The following NCAM1 variants were observed in gnomAD, a reference collection of about 807,000 sequenced individuals.
The protein encoded by NCAM1 is neural cell adhesion molecule 1.
A neutral mutation model predicts 109.8 loss-of-function variants in NCAM1; 14 were observed. The observed-to-expected ratio is 0.13, with a 90% CI of 0.08 to 0.20. The LOEUF is 0.20. Ranked by LOEUF, NCAM1 falls within the 10% of genes least tolerant of loss-of-function variation. NCAM1 has a pLI of 1.00. For synonymous variants in NCAM1, 418 were observed against 442.9 expected (o/e 0.94, Z 0.70); for missense variants, 774 against 1,109.9 (o/e 0.70, Z 4.30).
chr11:112,988,758 T>TTC, intron 1 of NCAM1, among the ~76,000 whole-genome samples: 1 of 151,206 alleles, frequency 6.6e-6, no homozygotes, highest in South Asian at 2.1e-4. Flanking sequence ...AGTATTTTTT[T>TTC]TTTTTTTTGA....
chr11:113,264,726 A>C, intron 17 of NCAM1: 1 of 985,332 alleles, frequency 1.0e-6, no homozygotes, highest in South Asian at 4.7e-5. Context: ...AAGTGTGGAG[A>C]GGACTGACGT....
chr11:113,084,617 TAG>T (rs1199580643), intron 1 of NCAM1, among the ~76,000 whole-genome samples: 4 of 152,176 alleles, frequency 2.6e-5, no homozygotes, highest in Admixed American at 2.6e-4. Context: ...AACACAGTAT[TAG>T]AGAGTCAGGT....
At chr11:113,264,582 C>A in intron 17 of NCAM1, 1 of 985,514 alleles carries the variant, frequency 1.0e-6, no homozygotes, top group Non-Finnish European at 1.2e-6. Flanking sequence ...CTTAGGATCA[C>A]CTTGGGCAGA....
At chr11:113,201,342 G>A (rs782679673) in intron 1 of NCAM1, among the ~76,000 whole-genome samples, 6 of 152,172 alleles carry the variant, frequency 3.9e-5, no homozygotes, top group Non-Finnish European at 8.8e-5. Flanking sequence ...GCTGTTGGAA[G>A]GAAGGGCTCA....
At chr11:113,075,315 C>T (rs113675135) in intron 1 of NCAM1, among the ~76,000 whole-genome samples, 1,674 of 152,204 alleles carry the variant, frequency 0.011, 14 homozygotes, top group Non-Finnish European at 0.016. Context: ...AGAGATCCTC[C>T]CACCTTGGCC....
At chr11:113,032,342 G>T (rs12416786) in intron 1 of NCAM1, among the ~76,000 whole-genome samples, 6,359 of 152,142 alleles carry the variant, frequency 0.042, 447 homozygotes, top group Admixed American at 0.14. Context: ...GATCTCAGGG[G>T]CTTACCACAG....
At chr11:113,042,207 C>T (rs1953103523) in intron 1 of NCAM1, among the ~76,000 whole-genome samples, 1 of 152,194 alleles carries the variant, frequency 6.6e-6, no homozygotes. Context: ...ATCCCCTCCC[C>T]TTGCTCCTTT....
rs868938180 is a variant in NCAM1, at chr11:113,233,389, C to T, written c.1693+72C>T. The T allele has an allele frequency of 6.8e-7, 1 of 1,464,184 alleles. No individual in the cohort carries two copies. The highest frequency in any genetic ancestry group is 1.8e-4 in the Middle Eastern group (1 of 5,446). The allele number at this position is 1,464,184 out of a possible 1,614,324, so 90.7% of individuals were successfully genotyped here. ...GTACTCAGATGTCCCCACCTGCCAT[C>T]CTGGGCATGTTCCTACAGAATCAGG... On this transcript the variant is annotated intron_variant, in intron 13 of 19. Transcript: ENST00000316851. This position sits in a 1 kb window ranked among gnomAD's most constrained non-coding sequence, Gnocchi z 4.5.
chr11:113,181,255 C>A (rs1009974094), intron 1 of NCAM1, among the ~76,000 whole-genome samples: 4 of 152,158 alleles, frequency 2.6e-5, no homozygotes, highest in Admixed American at 1.3e-4. Flanking sequence ...CCCTGTGGTT[C>A]CAAGCTGCCC....
chr11:113,113,817 T>C (rs1940559294), intron 1 of NCAM1, among the ~76,000 whole-genome samples: 1 of 152,206 alleles, frequency 6.6e-6, no homozygotes, highest in African/African-American at 2.4e-5. Flanking sequence ...TCTTGGATTA[T>C]CTTCCCTTTT....
chr11:113,157,329 A>G (rs1425906048), intron 1 of NCAM1, among the ~76,000 whole-genome samples: 3 of 152,244 alleles, frequency 2.0e-5, no homozygotes, highest in Non-Finnish European at 2.9e-5. Flanking sequence ...AGATGCACAC[A>G]TCCAAGTTGA....
intron 8 of NCAM1, among the ~76,000 whole-genome samples, chr11:113,216,197 G>A (rs1944524817): frequency 1.4e-5 from 2 of 138,034 alleles, no homozygotes; most frequent in South Asian, 4.5e-4. Context: ...CGCCCAGGCT[G>A]GAGTGCAGTG....
chr11:112,991,536 G>C (rs1235855462), intron 1 of NCAM1, among the ~76,000 whole-genome samples: 1 of 152,100 alleles, frequency 6.6e-6, no homozygotes, highest in Non-Finnish European at 1.5e-5. Context: ...GAGCTGGCAG[G>C]TATTTTAGAG....
At chr11:112,977,401 A>G (rs963585238) in intron 1 of NCAM1, 12 of 151,862 alleles carry the variant, frequency 7.9e-5, no homozygotes, top group Non-Finnish European at 1.2e-4. Context: ...TCTGGTTTTC[A>G]CCACGAAAGA....
chr11:113,265,991 A>G (rs970935421), intron 17 of NCAM1, among the ~76,000 whole-genome samples: 14 of 152,040 alleles, frequency 9.2e-5, no homozygotes, highest in African/African-American at 2.2e-4. Flanking sequence ...CACCTTCATA[A>G]TCTCCCTGTC....
intron 1 of NCAM1, among the ~76,000 whole-genome samples, chr11:112,980,806 A>G (rs1221674591): frequency 1.3e-5 from 2 of 151,886 alleles, no homozygotes; most frequent in East Asian, 3.9e-4. Flanking sequence ...CTTAATTCTT[A>G]CTAACTTTTA....
intron 7 of NCAM1, among the ~76,000 whole-genome samples, chr11:113,213,129 A>T (rs1944434629): frequency 6.6e-6 from 1 of 152,242 alleles, no homozygotes; most frequent in Non-Finnish European, 1.5e-5. Context: ...CATGGAGAAG[A>T]TATATAGGCA....
chr11:113,056,911 C>T (rs1953732690), intron 1 of NCAM1, among the ~76,000 whole-genome samples: 1 of 152,020 alleles, frequency 6.6e-6, no homozygotes, highest in South Asian at 2.1e-4. Context: ...CAGATGTATC[C>T]CCTGAGACTT....
At chr11:113,128,170 C>A (rs547290617) in intron 1 of NCAM1, among the ~76,000 whole-genome samples, 3 of 152,194 alleles carry the variant, frequency 2.0e-5, no homozygotes, top group Admixed American at 6.5e-5. Context: ...GCATCTAATA[C>A]GCTCAGCATC....
Sources: allele counts gnomAD v4.1 joint callset (sites outside exome capture counted in the v4.1 genomes callset), GRCh38; gene constraint gnomAD v4.1.1; non-coding constraint Gnocchi (gnomAD v3.1); transcripts MANE v1.5; gene names NCBI Gene and HGNC (gene_info 2026-07-23, HGNC 2026-07-21).